Variants in FBXO4 observed in about 807,000 individuals in gnomAD.
The protein encoded by FBXO4 is F-box only protein 4.
A neutral mutation model predicts 43.7 loss-of-function variants in FBXO4; 36 were observed. The observed-to-expected ratio is 0.82, with a 90% CI of 0.63 to 1.09. FBXO4 has a LOEUF of 1.09. Ranked by LOEUF, FBXO4 falls within the 50% of genes least tolerant of loss-of-function variation. The probability of loss-of-function intolerance (pLI) is 0.00; values close to 1 mark genes in which losing one functional copy is unlikely to be tolerated. For synonymous variants in FBXO4, 180 were observed against 165.6 expected (o/e 1.09, Z -0.67); for missense variants, 435 against 474.1 (o/e 0.92, Z 0.77).
chr5:41,985,049 C>T, the FBXO4 span, among the ~76,000 whole-genome samples: 1 of 152,138 alleles, frequency 6.6e-6, no homozygotes, highest in Non-Finnish European at 1.5e-5. Flanking sequence ...TTATTTCTTG[C>T]CTAGATTGGA....
At chr5:41,962,410 C>G in the FBXO4 span, among the ~76,000 whole-genome samples, 1,315 of 152,146 alleles carry the variant, frequency 8.6e-3, 27 homozygotes, top group African/African-American at 0.03. Flanking sequence ...CCCTGAGTGC[C>G]TAGAGAATTT....
the FBXO4 span, among the ~76,000 whole-genome samples, chr5:41,960,481 TG>T: frequency 6.6e-6 from 1 of 152,162 alleles, no homozygotes; most frequent in African/African-American, 2.4e-5. Context: ...ATATTAGCTG[TG>T]GGCTTCTCAT....
the FBXO4 span, among the ~76,000 whole-genome samples, chr5:42,035,998 G>A: frequency 1.1e-4 from 17 of 152,162 alleles, 1 homozygote; most frequent in South Asian, 3.5e-3. Flanking sequence ...TGCCATCAGT[G>A]CAAATGTCAA....
the FBXO4 span, among the ~76,000 whole-genome samples, chr5:42,021,554 G>A: frequency 6.6e-6 from 1 of 152,146 alleles, no homozygotes; most frequent in East Asian, 1.9e-4. Context: ...CTACGAGACT[G>A]GTGTTCAGTC....
chr5:41,976,842 C>A, the FBXO4 span, among the ~76,000 whole-genome samples: 9 of 152,236 alleles, frequency 5.9e-5, no homozygotes, highest in Admixed American at 6.5e-5. Context: ...TTCCTCTTCA[C>A]ACGGCCCTAG....
At chr5:42,014,616 G>C in the FBXO4 span, among the ~76,000 whole-genome samples, 5 of 152,238 alleles carry the variant, frequency 3.3e-5, no homozygotes, top group Non-Finnish European at 5.9e-5. Context: ...ACTTCACTAG[G>C]TTTTTTAACA....
chr5:41,977,065 G>A, the FBXO4 span, among the ~76,000 whole-genome samples: 1 of 152,170 alleles, frequency 6.6e-6, no homozygotes, highest in African/African-American at 2.4e-5. Context: ...GGGATGTGGG[G>A]AGCAGTGTTC....
At chr5:42,021,752 C>G in the FBXO4 span, among the ~76,000 whole-genome samples, 1 of 152,042 alleles carries the variant, frequency 6.6e-6, no homozygotes, top group Non-Finnish European at 1.5e-5. Flanking sequence ...AGGAGACTTT[C>G]GCTTCTCATT....
At chr5:41,929,352 G>T (rs556379299) in intron 2 of FBXO4, among the ~76,000 whole-genome samples, 4 of 152,234 alleles carry the variant, frequency 2.6e-5, no homozygotes, top group East Asian at 1.9e-4. Flanking sequence ...AGGGGGGCAG[G>T]GATAAACCTC....
At chr5:42,001,025 C>T in the FBXO4 span, among the ~76,000 whole-genome samples, 3 of 152,174 alleles carry the variant, frequency 2.0e-5, no homozygotes, top group African/African-American at 7.2e-5. Context: ...TTCAGCTTTG[C>T]TATTCCTATT....
chr5:42,009,058 C>T, the FBXO4 span, among the ~76,000 whole-genome samples: 12 of 152,204 alleles, frequency 7.9e-5, no homozygotes, highest in South Asian at 2.1e-4. Context: ...GCCTCATTCC[C>T]GCTAGACTTT....
intron 3 of FBXO4, among the ~76,000 whole-genome samples, 180 bp from the exon 4 acceptor site, chr5:41,933,766 T>C (rs547317143): frequency 6.6e-6 from 1 of 152,322 alleles, no homozygotes; most frequent in Admixed American, 6.5e-5. Context: ...TTTATTGTCA[T>C]GTGAATGAAA....
chr5:41,971,988 A>G, the FBXO4 span, among the ~76,000 whole-genome samples: 3 of 152,078 alleles, frequency 2.0e-5, no homozygotes, highest in African/African-American at 7.2e-5. Flanking sequence ...ACATCATACT[A>G]AACAGGCAAA....
chr5:42,032,397 C>T, the FBXO4 span, among the ~76,000 whole-genome samples: 464 of 152,228 alleles, frequency 3.0e-3, 1 homozygote, highest in Admixed American at 5.2e-3. Flanking sequence ...CCTCAGAAGT[C>T]TACTTGGTGT....
chr5:41,971,451 G>A, the FBXO4 span, among the ~76,000 whole-genome samples: 3 of 151,942 alleles, frequency 2.0e-5, no homozygotes, highest in African/African-American at 4.8e-5. Context: ...ACTTTTTAAT[G>A]GAGTGTATTT....
chr5:41,955,853 C>A, the FBXO4 span, among the ~76,000 whole-genome samples: 1 of 152,132 alleles, frequency 6.6e-6, no homozygotes, highest in African/African-American at 2.4e-5. Flanking sequence ...TGGGAAATTT[C>A]ATAATTCATG....
the FBXO4 span, among the ~76,000 whole-genome samples, chr5:41,958,687 T>G: frequency 6.6e-6 from 1 of 152,222 alleles, no homozygotes; most frequent in South Asian, 2.1e-4. Flanking sequence ...CTTAATATAA[T>G]GTACTCCAGG....
At chr5:41,951,815 G>T in the FBXO4 span, 307 of 214,876 alleles carry the variant, frequency 1.4e-3, 1 homozygote, top group Admixed American at 3.6e-3. Flanking sequence ...GTCAGCCCTG[G>T]AATCAGTAAC....
chr5:41,978,148 T>C, the FBXO4 span, among the ~76,000 whole-genome samples: 1 of 152,074 alleles, frequency 6.6e-6, no homozygotes, highest in Non-Finnish European at 1.5e-5. Flanking sequence ...GGAAGCAAGA[T>C]ACAGATGGGG....
Sources: allele counts gnomAD v4.1 joint callset (sites outside exome capture counted in the v4.1 genomes callset), GRCh38; gene constraint gnomAD v4.1.1; transcripts MANE v1.5; gene names NCBI Gene and HGNC (gene_info 2026-07-23, HGNC 2026-07-21).